Variants in RGS21 observed in about 807,000 individuals in gnomAD.
The protein encoded by RGS21 is regulator of G protein signaling 21, also known as regulator of G-protein signalling 21.
Under a neutral mutation model 18.7 loss-of-function variants are expected in RGS21, and 19 were observed. The observed-to-expected ratio is 1.01, with a 90% CI of 0.71 to 1.49. The LOEUF (loss-of-function observed/expected upper bound fraction) is 1.49. RGS21 is among the 40% of genes most tolerant of loss of function. The pLI is 0.00. For synonymous variants in RGS21, 56 were observed against 57.8 expected (o/e 0.97, Z 0.14); for missense variants, 194 against 176.8 (o/e 1.10, Z -0.55).
At chr1:192,343,096 A>G in intron 2 of RGS21, 49 bp downstream of exon 2, 1 of 1,549,368 alleles carries the variant, frequency 6.5e-7, no homozygotes, top group Non-Finnish European at 8.9e-7. Flanking sequence ...GTACAAATGA[A>G]ACACTTGAGT....
At chr1:192,362,928 C>G (rs781194222) in intron 4 of RGS21, among the ~76,000 whole-genome samples, 1 of 152,014 alleles carries the variant, frequency 6.6e-6, no homozygotes, top group Non-Finnish European at 1.5e-5. Context: ...TAAATATCAT[C>G]TTAGCAATGC....
intron 3 of RGS21, among the ~76,000 whole-genome samples, chr1:192,350,875 A>G (rs1031609169): frequency 6.6e-6 from 1 of 152,178 alleles, no homozygotes; most frequent in Admixed American, 6.6e-5. Context: ...TAGAGAAGGA[A>G]AGGTCTAAAC....
At chr1:192,342,202 A>T (rs1385397998) in intron 1 of RGS21, among the ~76,000 whole-genome samples, 2 of 152,112 alleles carry the variant, frequency 1.3e-5, no homozygotes, top group Admixed American at 1.3e-4. Flanking sequence ...ATTGAGGGTC[A>T]TAAACACATA....
chr1:192,340,992 C>G (rs1473831114), intron 1 of RGS21, among the ~76,000 whole-genome samples: 1 of 152,000 alleles, frequency 6.6e-6, no homozygotes, highest in East Asian at 1.9e-4. Flanking sequence ...CATATCAGGA[C>G]CAGAAGTCCA....
chr1:192,334,840 C>T (rs1388819930), intron 1 of RGS21, among the ~76,000 whole-genome samples: 4 of 152,100 alleles, frequency 2.6e-5, no homozygotes, highest in Non-Finnish European at 4.4e-5. Context: ...CACTTTCTTT[C>T]CCTTCCCCCA....
intron 1 of RGS21, among the ~76,000 whole-genome samples, chr1:192,331,149 T>C (rs1264040451): frequency 6.6e-6 from 1 of 152,224 alleles, no homozygotes; most frequent in African/African-American, 2.4e-5. Context: ...ACATTCTTGT[T>C]AATGTCCGGC....
chr1:192,360,270 A>T (rs1320759932), intron 4 of RGS21, among the ~76,000 whole-genome samples: 2 of 152,046 alleles, frequency 1.3e-5, no homozygotes, highest in African/African-American at 2.4e-5. Context: ...CTGGCTAAAT[A>T]ATTTGTAGTC....
chr1:192,359,271 GT>G (rs77140863), intron 4 of RGS21, among the ~76,000 whole-genome samples: 1 of 151,710 alleles, frequency 6.6e-6, no homozygotes, highest in Non-Finnish European at 1.5e-5. Flanking sequence ...ATGTGGCACT[GT>G]TTTTTTTGGT....
chr1:192,366,677 T>C lies in RGS21; in HGVS notation c.*553T>C, dbSNP rs1659265351. Reference sequence around the variant, plus strand: ...GAATGTATACACATTTATATGTATGTCTTGAATGCACCATGGACCAAAGTT... The same window carrying C: ...GAATGTATACACATTTATATGTATGCCTTGAATGCACCATGGACCAAAGTT... On this transcript the variant is annotated 3_prime_UTR_variant, in exon 5 of 5. Transcript: ENST00000417209. 6.6e-6 allele frequency: 1 copy of C among 152,166 alleles called. No individual in the cohort carries two copies. Among genetic ancestry groups the C allele is most frequent in the Admixed American group, 6.6e-5 (1 of 15,238 alleles). 9.4% of individuals were successfully genotyped at this position (152,166 alleles called of 1,614,324 possible).
intron 2 of RGS21, among the ~76,000 whole-genome samples, chr1:192,344,931 A>G (rs1658925556): frequency 6.6e-6 from 1 of 152,036 alleles, no homozygotes; most frequent in Non-Finnish European, 1.5e-5. Context: ...AACTAATTCT[A>G]TTATCCATAG....
chr1:192,351,976 A>G, intron 3 of RGS21, 71 bp from the exon 4 acceptor site: 5 of 788,374 alleles, frequency 6.3e-6, no homozygotes, highest in Non-Finnish European at 9.9e-6. Context: ...CATATTATAC[A>G]ATGTACTCAT....
At chr1:192,327,166 C>A (rs1009958030) in intron 1 of RGS21, among the ~76,000 whole-genome samples, 15 of 151,612 alleles carry the variant, frequency 9.9e-5, no homozygotes, top group Non-Finnish European at 1.9e-4. Context: ...TACAAGTCAC[C>A]CAAACAGCAT....
intron 1 of RGS21, among the ~76,000 whole-genome samples, chr1:192,324,338 A>G (rs1214509864): frequency 6.6e-6 from 1 of 152,116 alleles, no homozygotes; most frequent in Non-Finnish European, 1.5e-5. Context: ...CTACATTAAC[A>G]TATAATTTTT....
chr1:192,341,109 C>T lies in RGS21; in HGVS notation c.-60-1868C>T, dbSNP rs150582410. Reference sequence around the variant, plus strand: ...TGCCTTTTTCAGCTTCTAGAGGCCACCTACGTTCCTTGGCTCTTAACCCCT... The same window carrying T: ...TGCCTTTTTCAGCTTCTAGAGGCCATCTACGTTCCTTGGCTCTTAACCCCT... On this transcript the variant is annotated intron_variant, in intron 1 of 4. Coordinates refer to ENST00000417209, the MANE Select transcript of RGS21 (RefSeq NM_001039152.3). Among the ~76,000 whole-genome samples the T allele has an allele frequency of 4.0e-3, 602 of 152,144 alleles. 2 individuals are homozygous for T. The highest frequency in any genetic ancestry group is 0.013 in the African/African-American group (558 of 41,536).
chr1:192,343,974 C>G (rs1416629153), intron 2 of RGS21, among the ~76,000 whole-genome samples: 1 of 151,958 alleles, frequency 6.6e-6, no homozygotes, highest in Non-Finnish European at 1.5e-5. Context: ...AACTTTTATT[C>G]AATAGATTTC....
At chr1:192,363,215 G>C (rs1184777598) in intron 4 of RGS21, among the ~76,000 whole-genome samples, 1 of 152,070 alleles carries the variant, frequency 6.6e-6, no homozygotes, top group Non-Finnish European at 1.5e-5. Flanking sequence ...CAAAATCATG[G>C]CTTTGGACTT....
At chr1:192,350,042 G>A (rs1016009508) in intron 3 of RGS21, among the ~76,000 whole-genome samples, 38 of 152,224 alleles carry the variant, frequency 2.5e-4, no homozygotes, top group Middle Eastern at 3.4e-3. Flanking sequence ...CTGAATTCAA[G>A]AAAAATTTTA....
intron 2 of RGS21, among the ~76,000 whole-genome samples, 187 bp downstream of exon 2, chr1:192,343,234 C>CT (rs1259034587): frequency 1.3e-5 from 2 of 151,912 alleles, no homozygotes; most frequent in Non-Finnish European, 2.9e-5. Flanking sequence ...TTGTGGCTTA[C>CT]TTTTGCACTT....
At chr1:192,331,919 GA>G (rs1169974038) in intron 1 of RGS21, among the ~76,000 whole-genome samples, 3 of 151,866 alleles carry the variant, frequency 2.0e-5, no homozygotes, top group African/African-American at 7.2e-5. Flanking sequence ...GATATTTAGA[GA>G]ACGGTCTTAA....
Sources: gnomAD v4.1 joint callset for allele counts (sites outside exome capture counted in the v4.1 genomes callset) on GRCh38, gnomAD v4.1.1 for gene constraint, MANE v1.5 for transcripts, NCBI Gene and HGNC (gene_info 2026-07-23, HGNC 2026-07-21) for gene names.